Variants in CCDC62 observed in about 807,000 individuals in gnomAD.
The protein encoded by CCDC62 is coiled-coil domain containing 62.
In CCDC62, 72 loss-of-function variants were observed where a neutral mutation model predicts 80.8. The observed-to-expected ratio is 0.89, with a 90% CI of 0.74 to 1.08. CCDC62 has a LOEUF of 1.08. Ranked by LOEUF, CCDC62 falls within the 50% of genes least tolerant of loss-of-function variation. CCDC62 has a pLI of 0.00. For synonymous variants in CCDC62, 286 were observed against 296.5 expected (o/e 0.96, Z 0.36); for missense variants, 704 against 809.4 (o/e 0.87, Z 1.58).
intron 11 of CCDC62, among the ~76,000 whole-genome samples, chr12:122,819,939 G>T (rs1192641571): frequency 6.6e-6 from 1 of 151,524 alleles, no homozygotes; most frequent in Non-Finnish European, 1.5e-5. Context: ...GTGCACACTT[G>T]TAGTCCCAGG....
intron 9 of CCDC62, among the ~76,000 whole-genome samples, chr12:122,804,665 A>G (rs944464934): frequency 2.6e-5 from 4 of 152,078 alleles, no homozygotes; most frequent in Non-Finnish European, 5.9e-5. Flanking sequence ...ACAAAAATCA[A>G]TCTCACAAAC....
rs372572620 is a variant in CCDC62, at chr12:122,775,062, C to T, written c.36+356C>T. 6.4e-4 allele frequency among the ~76,000 whole-genome samples: 92 copies of T among 142,666 alleles called. 3 individuals carry two copies. In the East Asian group the frequency reaches 0.016, roughly 25 times the overall value. The allele number at this position is 142,666 out of a possible 152,430, so 93.6% of individuals were successfully genotyped here. On this transcript the variant is annotated intron_variant, in intron 1 of 12. Coordinates refer to ENST00000253079, the MANE Select transcript of CCDC62 (RefSeq NM_201435.5). Reference sequence around the variant, plus strand: ...TGAGCCGAGATCGCGCCACTGCACTCCAGCCTGGGCGACAGAGCGAGACTC... The same window carrying T: ...TGAGCCGAGATCGCGCCACTGCACTTCAGCCTGGGCGACAGAGCGAGACTC...
At chr12:122,781,496 G>A (rs752810393) in intron 3 of CCDC62, among the ~76,000 whole-genome samples, 166 bp downstream of exon 3, 2 of 152,026 alleles carry the variant, frequency 1.3e-5, no homozygotes, top group Non-Finnish European at 2.9e-5. Context: ...GACCAGCCTG[G>A]CCAGCGTGGA....
At chr12:122,812,782 A>AGAAAGAAAG (rs2031982232) in intron 10 of CCDC62, among the ~76,000 whole-genome samples, 1 of 80,456 alleles carries the variant, frequency 1.2e-5, no homozygotes, top group Non-Finnish European at 2.5e-5. Context: ...AGAGAGAGAA[A>AGAAAGAAAG]GAAAGAAAGA....
At position 122,801,236 on chromosome 12, in the gene CCDC62, C is replaced by G; in HGVS notation, c.1090C>G (p.Gln364Glu). ...CCAGAAATTTGAAGCCATGTTGGTTCAGCAAAATAGGTCAGACAAGAGCTC... is the reference window on the plus strand; with the variant it reads ...CCAGAAATTTGAAGCCATGTTGGTTGAGCAAAATAGGTCAGACAAGAGCTC... ...KDQKFEAMLV[Q>E]QNRSDKSSCD... Residue 364 changes from glutamine to glutamate, a missense_variant, in exon 9 of 13, where the codon CAG becomes GAG. Gln to Glu is a conservative substitution (Grantham distance 29). Transcript: ENST00000253079. 6.2e-7 allele frequency: 1 copy of G among 1,614,042 alleles called. No homozygotes were observed. Among genetic ancestry groups the G allele is most frequent in the Non-Finnish European group, 8.5e-7 (1 of 1,180,020 alleles).
At chr12:122,825,103 GA>G (rs1490913594) in intron 12 of CCDC62, among the ~76,000 whole-genome samples, 22 of 150,606 alleles carry the variant, frequency 1.5e-4, no homozygotes, top group Middle Eastern at 3.2e-3. Context: ...AAAAAGAAAA[GA>G]AAAAAAATTA....
intron 12 of CCDC62, among the ~76,000 whole-genome samples, chr12:122,824,308 C>T (rs747555331): frequency 6.6e-6 from 1 of 151,262 alleles, no homozygotes; most frequent in Non-Finnish European, 1.5e-5. Context: ...CCCAGCTACT[C>T]GGGAGGCTGA....
In CCDC62 at chr12:122,826,705, T is replaced by G. The variant is rs1342798921; in HGVS notation, c.*324T>G. The G allele has an allele frequency of 8.0e-6, 3 of 373,442 alleles. No homozygotes were observed. The highest frequency in any genetic ancestry group is 1.4e-5 in the Non-Finnish European group (3 of 210,262). The allele number at this position is 373,442 out of a possible 1,614,324, so 23.1% of individuals were successfully genotyped here. ...TTCTCTGTAAAGATACGGACTACAG[T>G]TAAATGCTAGAGAAGCTCTTTAAAA... is the stretch of plus-strand genomic sequence containing the variant. On this transcript the variant is annotated 3_prime_UTR_variant, in exon 13 of 13. Transcript: ENST00000253079.
At chr12:122,797,885 C>T (rs2031057757) in intron 7 of CCDC62, among the ~76,000 whole-genome samples, 200 bp from the exon 8 acceptor site, 1 of 152,148 alleles carries the variant, frequency 6.6e-6, no homozygotes, top group Non-Finnish European at 1.5e-5. Flanking sequence ...TTGTGGTGAT[C>T]AAAGGCTGGG....
rs906621274 is a variant in CCDC62 at position 122,815,445 on chromosome 12, G to T, written c.2001+2026G>T. Among the ~76,000 whole-genome samples, 7 of 148,710 alleles carry T rather than the reference G, an allele frequency of 4.7e-5. No individual in the cohort carries two copies. In the South Asian group the frequency reaches 1.5e-3, roughly 31 times the overall value. Reference sequence around the variant, plus strand: ...ATTTTGATTACTTCCAACTTAACAGGTTTTTTTTTTTCTTTTTTGAGACGG... The same window carrying T: ...ATTTTGATTACTTCCAACTTAACAGTTTTTTTTTTTTCTTTTTTGAGACGG... On this transcript the variant is annotated intron_variant, in intron 11 of 12. Coordinates refer to ENST00000253079, the MANE Select transcript of CCDC62 (RefSeq NM_201435.5).
intron 2 of CCDC62, among the ~76,000 whole-genome samples, chr12:122,780,322 A>T (rs183643345): frequency 6.1e-4 from 92 of 149,924 alleles, no homozygotes; most frequent in African/African-American, 2.2e-3. Flanking sequence ...ACGAAAAAAA[A>T]AAAAAAGAAG....
At chr12:122,814,504 A>AT (rs71440218) in intron 11 of CCDC62, among the ~76,000 whole-genome samples, 3,303 of 125,116 alleles carry the variant, frequency 0.026, 212 homozygotes, top group East Asian at 0.24. Context: ...TGGACTTTTA[A>AT]TTTTTTTTTT....
intron 11 of CCDC62, among the ~76,000 whole-genome samples, chr12:122,821,147 G>T (rs2032389711): frequency 6.6e-6 from 1 of 152,040 alleles, no homozygotes; most frequent in Non-Finnish European, 1.5e-5. Flanking sequence ...ACCTAAGAAG[G>T]CTAACGAGGC....
At position 122,774,686 on chromosome 12, in the gene CCDC62, G is replaced by A; in HGVS notation, c.16G>A (p.Ala6Thr). 8.0e-7 allele frequency: 1 copy of A among 1,256,468 alleles called. No homozygotes were observed. The highest frequency in any genetic ancestry group is 4.1e-5 in the Admixed American group (1 of 24,206). The allele number at this position is 1,256,468 out of a possible 1,614,324, so 77.8% of individuals were successfully genotyped here. Reference protein sequence around the residue: MNPPAAFLAGRQNIGS... With the variant: MNPPATFLAGRQNIGS... ...GGAAACACCTATGAACCCTCCGGCA[G>A]CCTTCCTTGCCGGGCGCCAGGTAAG... The change falls in exon 1 of 13, where the codon GCC (alanine) becomes ACC (threonine). Residue 6 changes from alanine (A) to threonine (T), a missense_variant. By Grantham distance (58) the Ala-to-Thr change is moderately conservative. Coordinates refer to ENST00000253079, the MANE Select transcript of CCDC62 (RefSeq NM_201435.5).
chr12:122,789,654 A>G (rs1256450597), intron 5 of CCDC62, among the ~76,000 whole-genome samples: 1 of 152,148 alleles, frequency 6.6e-6, no homozygotes, highest in Non-Finnish European at 1.5e-5. Flanking sequence ...ACTAGTCTGG[A>G]ACTCCCGACC....
rs1170286178 is a variant in CCDC62 at position 122,795,250 on chromosome 12, T to C, written c.773-2057T>C. 4.0e-5 allele frequency among the ~76,000 whole-genome samples: 6 copies of C among 151,512 alleles called. No individual in the cohort carries two copies. The East Asian group carries it at 1.2e-3, about 30-fold the overall frequency. On this transcript the variant is annotated intron_variant, in intron 6 of 12. Coordinates refer to ENST00000253079, the MANE Select transcript of CCDC62 (RefSeq NM_201435.5). Reference sequence around the variant, plus strand: ...TACTTTAGTAGAGACGTGGTTTCATTGTGTTGCCCAGGCTGGTCTCGAACT... The same window carrying C: ...TACTTTAGTAGAGACGTGGTTTCATCGTGTTGCCCAGGCTGGTCTCGAACT...
At position 122,798,159 on chromosome 12, in the gene CCDC62, G is replaced by A; in HGVS notation, c.936G>A (p.Met312Ile). The part of the protein sequence containing the change: ...NVENSQELIQ[M>I]YDSKMEESKA... ...AAAATTCTCAGGAATTAATACAGAT[G>A]TATGACTCAAAGATGGAGGAATCAA... Residue 312 changes from methionine to isoleucine, a missense_variant, in exon 8 of 13, where the codon ATG (methionine) becomes ATA (isoleucine). Physicochemically the swap from Met to Ile is conservative, Grantham distance 10. Coordinates refer to ENST00000253079, the MANE Select transcript of CCDC62 (RefSeq NM_201435.5). 2.5e-6 allele frequency: 4 copies of A among 1,591,156 alleles called. No individual in the cohort carries two copies. Among genetic ancestry groups the A allele is most frequent in the Non-Finnish European group, 3.4e-6 (4 of 1,159,438 alleles).
chr12:122,780,001 A>G (rs1879732651), intron 2 of CCDC62, among the ~76,000 whole-genome samples: 1 of 151,070 alleles, frequency 6.6e-6, no homozygotes, highest in Admixed American at 6.6e-5. Context: ...AACCTAAATG[A>G]CCATCAATAT....
intron 6 of CCDC62, among the ~76,000 whole-genome samples, chr12:122,793,835 A>T (rs534821640): frequency 8.5e-5 from 13 of 152,292 alleles, no homozygotes; most frequent in African/African-American, 3.1e-4. Context: ...GTATTCTGCC[A>T]CTAGAGGTCA....
Sources: gnomAD v4.1 joint callset for allele counts (sites outside exome capture counted in the v4.1 genomes callset) on GRCh38, gnomAD v4.1.1 for gene constraint, MANE v1.5 for transcripts, NCBI Gene and HGNC (gene_info 2026-07-23, HGNC 2026-07-21) for gene names.